FBRSL1: variants seen among roughly 807,000 people sequenced by gnomAD.
FBRSL1 encodes the protein fibrosin like 1, also known as fibrosin-1-like protein.
A neutral mutation model predicts 89.6 loss-of-function variants in FBRSL1; 51 were observed. The ratio of observed to expected loss-of-function variants is 0.57; its 90% confidence interval spans 0.45 to 0.72. The LOEUF (loss-of-function observed/expected upper bound fraction) is 0.72. Among genes scored for constraint, FBRSL1 ranks in the 30% least tolerant of loss-of-function variants. The probability of loss-of-function intolerance (pLI) is 0.00; values close to 1 mark genes in which losing one functional copy is unlikely to be tolerated. For synonymous variants in FBRSL1, 779 were observed against 681.1 expected (o/e 1.14, Z -2.24); for missense variants, 1,618 against 1,451.8 (o/e 1.11, Z -1.86).
chr12:132,560,463 G>C (rs2039022441), intron 5 of FBRSL1, among the ~76,000 whole-genome samples: 1 of 151,976 alleles, frequency 6.6e-6, no homozygotes, highest in South Asian at 2.1e-4. Context: ...GGGCACCCGG[G>C]GTCCGGGGGT....
intron 3 of FBRSL1, 110 bp downstream of exon 3, chr12:132,525,933 T>C (rs533305333): frequency 6.9e-6 from 6 of 864,312 alleles, no homozygotes; most frequent in Admixed American, 4.9e-5. Context: ...CACTGTGCCC[T>C]GCACAAGGGC....
Position 132,517,466 on chromosome 12 carries a change from C to T in FBRSL1, c.490-8268C>T, listed in dbSNP as rs144732203. On this transcript the variant is annotated intron_variant, in intron 2 of 18. Transcript: ENST00000680143. Reference sequence around the variant, plus strand: ...ATCCATTTTGTACTTTTGGTCATTCCGCCCCTGTTCTGGGCCTGGGGCTGC... The same window carrying T: ...ATCCATTTTGTACTTTTGGTCATTCTGCCCCTGTTCTGGGCCTGGGGCTGC... Among the ~76,000 whole-genome samples the T allele has an allele frequency of 1.3e-4, 20 of 152,178 alleles. No homozygotes were observed. The East Asian group carries it at 1.4e-3, about 10-fold the overall frequency.
At chr12:132,574,709 G>C (rs962662943) in intron 14 of FBRSL1, 145 bp downstream of exon 14, 31 of 1,115,684 alleles carry the variant, frequency 2.8e-5, no homozygotes, top group Non-Finnish European at 2.5e-6. Flanking sequence ...CCCTTCCTCT[G>C]GGTACTGGGC....
At chr12:132,537,354 C>T (rs1566163889) in intron 4 of FBRSL1, among the ~76,000 whole-genome samples, 2 of 151,974 alleles carry the variant, frequency 1.3e-5, no homozygotes, top group South Asian at 2.1e-4. Flanking sequence ...TCCCCACCCA[C>T]GTCCCATGGC....
chr12:132,490,466 G>A lies in FBRSL1; in HGVS notation c.-105G>A, dbSNP rs2030645505. 1 of 812,370 alleles carries A rather than the reference G, an allele frequency of 1.2e-6. No individual in the cohort carries two copies. The allele number at this position is 812,370 out of a possible 1,614,324, so 50.3% of individuals were successfully genotyped here. On this transcript the variant is annotated 5_prime_UTR_variant, in exon 1 of 19. Transcript: ENST00000680143. ...CGCCGCCCAGGGCCCGAGCCCGCGC[G>A]GCGCACACTCAGCCCGGCGGCGCCG... is the stretch of plus-strand genomic sequence containing the variant.
At chr12:132,571,877 C>T (rs893796460) in intron 9 of FBRSL1, 8 of 328,432 alleles carry the variant, frequency 2.4e-5, no homozygotes, top group East Asian at 1.2e-4. Flanking sequence ...TTCCCCGCCC[C>T]GGAGGCCCGG....
intron 1 of FBRSL1, among the ~76,000 whole-genome samples, chr12:132,500,676 C>A (rs2032821807): frequency 6.6e-6 from 1 of 152,114 alleles, no homozygotes; most frequent in Non-Finnish European, 1.5e-5. Context: ...CCGGGACAGC[C>A]CATTCACACC....
chr12:132,548,152 C>G, intron 5 of FBRSL1, 120 bp downstream of exon 5: 1 of 1,255,730 alleles, frequency 8.0e-7, no homozygotes, highest in Middle Eastern at 1.9e-4. Context: ...GGGATCCCCC[C>G]GCCCGGTGGG....
intron 14 of FBRSL1, among the ~76,000 whole-genome samples, chr12:132,574,957 G>C (rs191646563): frequency 2.6e-5 from 4 of 152,086 alleles, no homozygotes; most frequent in Middle Eastern, 3.4e-3. Flanking sequence ...CAGGGGGACC[G>C]TGAGTGCTCA....
intron 1 of FBRSL1, among the ~76,000 whole-genome samples, chr12:132,501,016 T>C (rs1368822194): frequency 2.6e-5 from 4 of 152,194 alleles, no homozygotes; most frequent in African/African-American, 7.2e-5. Context: ...CCAGGGACCA[T>C]GTGGCCAGGA....
intron 15 of FBRSL1, chr12:132,581,210 T>TG (rs1429996034): frequency 3.0e-6 from 3 of 985,190 alleles, no homozygotes; most frequent in East Asian, 1.1e-4. Context: ...CTGCCCCCCT[T>TG]GGGGTCCCAG....
chr12:132,493,941 A>G (rs2031562249), intron 1 of FBRSL1, among the ~76,000 whole-genome samples: 5 of 151,894 alleles, frequency 3.3e-5, no homozygotes, highest in Admixed American at 3.3e-4. Context: ...TGGAGACAGC[A>G]TTAATGATTA....
At chr12:132,525,279 G>T (rs1211278040) in intron 2 of FBRSL1, among the ~76,000 whole-genome samples, 1 of 152,216 alleles carries the variant, frequency 6.6e-6, no homozygotes, top group Non-Finnish European at 1.5e-5. Flanking sequence ...GCTCGACCTG[G>T]AGGTCATAGC....
intron 1 of FBRSL1, among the ~76,000 whole-genome samples, chr12:132,505,569 T>C (rs2033581627): frequency 1.3e-5 from 2 of 152,188 alleles, no homozygotes. Context: ...GGACGCTGTA[T>C]GGTCTCTGAG....
At chr12:132,510,161 G>A (rs1299244578) in intron 2 of FBRSL1, 1 of 1,230,536 alleles carries the variant, frequency 8.1e-7, no homozygotes, top group Non-Finnish European at 1.0e-6. Flanking sequence ...AGCCCTGCCA[G>A]CCCCTGCGGC....
intron 2 of FBRSL1, among the ~76,000 whole-genome samples, chr12:132,515,927 A>T (rs1053582312): frequency 6.6e-6 from 1 of 151,512 alleles, no homozygotes; most frequent in African/African-American, 2.4e-5. Context: ...AAAAATTAAT[A>T]AGGTAGGAAA....
At chr12:132,528,337 G>A (rs1314010080) in intron 4 of FBRSL1, among the ~76,000 whole-genome samples, 5 of 152,140 alleles carry the variant, frequency 3.3e-5, no homozygotes, top group African/African-American at 4.8e-5. Context: ...GCCGGGATCC[G>A]CGGGGCCAAG....
chr12:132,518,939 A>C (rs1315750578), intron 2 of FBRSL1, among the ~76,000 whole-genome samples: 1 of 150,920 alleles, frequency 6.6e-6, no homozygotes, highest in East Asian at 2.0e-4. Context: ...CTGTCTGTCC[A>C]TCTATCCACC....
At chr12:132,524,956 TC>T (rs2035663590) in intron 2 of FBRSL1, among the ~76,000 whole-genome samples, 1 of 152,120 alleles carries the variant, frequency 6.6e-6, no homozygotes, top group Admixed American at 6.5e-5. Context: ...TAGTTTCTAC[TC>T]GGGGCCACCG....
Sources: allele counts gnomAD v4.1 joint callset (sites outside exome capture counted in the v4.1 genomes callset), GRCh38; gene constraint gnomAD v4.1.1; transcripts MANE v1.5; gene names NCBI Gene and HGNC (gene_info 2026-07-23, HGNC 2026-07-21).